Variants in NOP58 observed in about 807,000 individuals in gnomAD.
The protein encoded by NOP58 is NOP58 ribonucleoprotein, also known as nucleolar protein 58.
NOP58 carries 44 observed loss-of-function variants against 71.2 expected under a neutral mutation model. The observed-to-expected ratio is 0.62, with a 90% CI of 0.49 to 0.79. NOP58 has a LOEUF of 0.79. Among genes scored for constraint, NOP58 ranks in the 30% least tolerant of loss-of-function variants. The pLI is 0.00. For missense variants in NOP58, 538 were observed against 620.2 expected (o/e 0.87, Z 1.41); for synonymous variants, 228 against 200.3 (o/e 1.14, Z -1.17).
At chr2:202,303,250 T>TTTATTA in intron 14 of NOP58, 136 bp from the exon 15 acceptor site, 2 of 1,395,240 alleles carry the variant, frequency 1.4e-6, no homozygotes, top group Non-Finnish European at 1.9e-6. Flanking sequence ...TTACTAAAAA[T>TTTATTA]CAAGTTTGCA....
intron 1 of NOP58, among the ~76,000 whole-genome samples, 195 bp downstream of exon 1, chr2:202,266,181 G>C (rs1474410315): frequency 6.6e-6 from 1 of 152,172 alleles, no homozygotes; most frequent in Non-Finnish European, 1.5e-5. Flanking sequence ...GGGGAGACCC[G>C]TTCTGCATTA....
At chr2:202,277,492 A>C (rs190247885) in intron 2 of NOP58, among the ~76,000 whole-genome samples, 8 of 152,072 alleles carry the variant, frequency 5.3e-5, no homozygotes, top group Non-Finnish European at 1.0e-4. Flanking sequence ...AAAAACAAAA[A>C]ACCATAAAGG....
At chr2:202,268,913 GT>G (rs1179034988) in intron 1 of NOP58, among the ~76,000 whole-genome samples, 5 of 151,428 alleles carry the variant, frequency 3.3e-5, no homozygotes, top group Non-Finnish European at 5.9e-5. Context: ...TGGCCTTGAA[GT>G]TTTTTTTAAA....
At chr2:202,272,841 A>G (rs1688531798) in intron 1 of NOP58, among the ~76,000 whole-genome samples, 1 of 152,236 alleles carries the variant, frequency 6.6e-6, no homozygotes, top group South Asian at 2.1e-4. Context: ...GCCATATTTA[A>G]AAGATACTTT....
Position 202,269,472 on chromosome 2 carries a change from C to T in NOP58, c.45+3486C>T, listed in dbSNP as rs1333541423. Reference sequence around the variant, plus strand: ...GCCCACTTATGTGTTTAGAGCGATTCAAAAGGAAAACACTTCCAAAAAGTT... The same window carrying T: ...GCCCACTTATGTGTTTAGAGCGATTTAAAAGGAAAACACTTCCAAAAAGTT... On this transcript the variant is annotated intron_variant, in intron 1 of 14. Coordinates refer to ENST00000264279, the MANE Select transcript of NOP58 (RefSeq NM_015934.5). Among the ~76,000 whole-genome samples the T allele has an allele frequency of 3.3e-5, 5 of 151,772 alleles. No individual in the cohort carries two copies. The East Asian group carries it at 9.6e-4, about 29-fold the overall frequency.
At chr2:202,271,500 G>A (rs1165294420) in intron 1 of NOP58, among the ~76,000 whole-genome samples, 1 of 152,084 alleles carries the variant, frequency 6.6e-6, no homozygotes, top group Non-Finnish European at 1.5e-5. Context: ...CAGGGAGGTG[G>A]AGGTTGTAGT....
chr2:202,265,813 C>A lies in NOP58; in HGVS notation c.-129C>A. 2 of 929,442 alleles carry A rather than the reference C, an allele frequency of 2.2e-6. No individual in the cohort carries two copies. The highest frequency in any genetic ancestry group is 2.4e-5 in the East Asian group (1 of 41,576). The allele number at this position is 929,442 out of a possible 1,614,324, so 57.6% of individuals were successfully genotyped here. On this transcript the variant is annotated 5_prime_UTR_variant, in exon 1 of 15. Transcript: ENST00000264279. ...TTAGGCAGCGTGTTCTGATTCTTTG[C>A]GGGACGGCGAGCGCATTTGTGCTTT... is the stretch of plus-strand genomic sequence containing the variant.
chr2:202,299,436 A>T (rs1388978199), intron 12 of NOP58, among the ~76,000 whole-genome samples: 2 of 151,920 alleles, frequency 1.3e-5, no homozygotes, highest in African/African-American at 4.9e-5. Context: ...AGCTTTCTAC[A>T]ATAGCCATAC....
At chr2:202,300,149 C>G in intron 12 of NOP58, 85 bp from the exon 13 acceptor site, 1 of 1,163,786 alleles carries the variant, frequency 8.6e-7, no homozygotes, top group South Asian at 1.4e-5. Flanking sequence ...TAAGTATTAT[C>G]TAATGGCATT....
At chr2:202,300,696 G>C (rs763655910) in intron 13 of NOP58, among the ~76,000 whole-genome samples, 1 of 152,188 alleles carries the variant, frequency 6.6e-6, no homozygotes, top group South Asian at 2.1e-4. Flanking sequence ...TTGTTTTATA[G>C]TTAAGAATGA....
chr2:202,287,652 C>T lies in NOP58; in HGVS notation c.435-8C>T, dbSNP rs746269856. ...ATCTTGCTAATTTATTTTCCCCTTT[C>T]TTCCCAGCCTGTCTCGATATAGATT... On this transcript the variant is annotated splice_region_variant and splice_polypyrimidine_tract_variant and intron_variant, in intron 5 of 14. Transcript: ENST00000264279. 2.5e-6 allele frequency: 4 copies of T among 1,607,308 alleles called. No homozygotes were observed. The highest frequency in any genetic ancestry group is 1.3e-5 in the African/African-American group (1 of 74,830).
At chr2:202,297,029 G>A (rs1323691411) in intron 10 of NOP58, among the ~76,000 whole-genome samples, 2 of 152,090 alleles carry the variant, frequency 1.3e-5, no homozygotes, top group East Asian at 1.9e-4. Flanking sequence ...CACCGCGCTC[G>A]GCCAGAACCC....
At chr2:202,267,782 C>T (rs921853157) in intron 1 of NOP58, among the ~76,000 whole-genome samples, 4 of 152,148 alleles carry the variant, frequency 2.6e-5, no homozygotes, top group African/African-American at 9.7e-5. Context: ...GACCTGGGTC[C>T]TAAAATACTC....
At chr2:202,271,589 T>C (rs548606527) in intron 1 of NOP58, among the ~76,000 whole-genome samples, 2 of 151,550 alleles carry the variant, frequency 1.3e-5, no homozygotes, top group East Asian at 1.9e-4. Flanking sequence ...AAAAAAAGAA[T>C]AGCATGTTAA....
At chr2:202,282,237 T>A in intron 3 of NOP58, 114 bp from the exon 4 acceptor site, 1 of 751,706 alleles carries the variant, frequency 1.3e-6, no homozygotes, top group South Asian at 1.9e-5. Flanking sequence ...AGAAGTAACA[T>A]TAAATTCAAG....
intron 5 of NOP58, among the ~76,000 whole-genome samples, chr2:202,285,635 C>T (rs1048861735): frequency 2.6e-5 from 4 of 152,018 alleles, no homozygotes; most frequent in African/African-American, 9.7e-5. Context: ...GCCACCATGC[C>T]CAGTCTTCTC....
chr2:202,266,707 C>T (rs1407429837), intron 1 of NOP58, among the ~76,000 whole-genome samples: 1 of 152,108 alleles, frequency 6.6e-6, no homozygotes, highest in African/African-American at 2.4e-5. Context: ...GAGATAAGAA[C>T]GGCAGCAAGA....
In NOP58 at chr2:202,282,368, G is replaced by A. The variant is rs1168011505; in HGVS notation, c.193G>A (p.Glu65Lys). The A allele has an allele frequency of 6.2e-7, 1 of 1,610,888 alleles. No homozygotes were observed. Among genetic ancestry groups the A allele is most frequent in the African/African-American group, 1.3e-5 (1 of 74,662 alleles). ...EALAAFTALM[E>K]GKINKQLKKV... ...TTGAAAAGCATTCACAGCTCTGATG[G>A]AGGGCAAAATCAATAAGCAGCTGAA... is the stretch of plus-strand genomic sequence containing the variant. The change falls in exon 4 of 15, where the codon GAG becomes AAG. Residue 65 changes from glutamate to lysine, a missense_variant. Coordinates refer to ENST00000264279, the MANE Select transcript of NOP58 (RefSeq NM_015934.5).
At chr2:202,285,453 A>G (rs538954395) in intron 5 of NOP58, among the ~76,000 whole-genome samples, 62 of 150,402 alleles carry the variant, frequency 4.1e-4, no homozygotes, top group East Asian at 1.2e-3. Flanking sequence ...GACTCAAACA[A>G]TGCCACCTCA....
Sources: gnomAD v4.1 joint callset for allele counts (sites outside exome capture counted in the v4.1 genomes callset) on GRCh38, gnomAD v4.1.1 for gene constraint, MANE v1.5 for transcripts, NCBI Gene and HGNC (gene_info 2026-07-23, HGNC 2026-07-21) for gene names.